Variants in NDUFAF8 observed in about 807,000 individuals in gnomAD.
NDUFAF8 encodes the protein NADH:ubiquinone oxidoreductase complex assembly factor 8, also known as NADH dehydrogenase [ubiquinone] 1 alpha subcomplex assembly factor 8.
Under a neutral mutation model 9.9 loss-of-function variants are expected in NDUFAF8, and 9 were observed. The ratio of observed to expected loss-of-function variants is 0.91; its 90% CI spans 0.55 to 1.59. The LOEUF (loss-of-function observed/expected upper bound fraction) is 1.59, where lower values mean the gene tolerates loss of function less well. NDUFAF8 is among the 40% of genes most tolerant of loss of function. NDUFAF8 has a pLI of 0.00. For missense variants in NDUFAF8, 114 were observed against 113.8 expected (o/e 1.00, Z -0.01); for synonymous variants, 63 against 51.2 (o/e 1.23, Z -0.98).
At position 81,239,562 on chromosome 17, in the gene NDUFAF8, C is replaced by T. The variant is rs753906325; in HGVS notation, c.85-6C>T. The T allele has an allele frequency of 4.6e-6, 7 of 1,529,228 alleles. No individual in the cohort carries two copies. The highest frequency in any genetic ancestry group is 2.4e-5 in the South Asian group (2 of 83,466). The allele number at this position is 1,529,228 out of a possible 1,614,324, so 94.7% of individuals were successfully genotyped here. A position where few individuals can be genotyped will look rare whatever the true frequency, so the allele number is the denominator to read the frequency against. ...ACCCCACGACCCACGCCCGTCCTTT[C>T]CGCAGGCCGCGGCGTACGGCAGGTG... is the stretch of plus-strand genomic sequence containing the variant. On this transcript the variant is annotated splice_polypyrimidine_tract_variant and splice_region_variant and intron_variant, in intron 1 of 2. Transcript: ENST00000431388.
chr17:81,241,126 G>A lies in NDUFAF8; in HGVS notation c.*110G>A, dbSNP rs1247247549. On this transcript the variant is annotated 3_prime_UTR_variant, in exon 3 of 3. Coordinates refer to ENST00000431388, the MANE Select transcript of NDUFAF8 (RefSeq NM_001086521.2). ...CTAGGGCAGAAAGGAAGTGGGAATG[G>A]CGAAGATGTGACATTCCTCGGTGTT... 3 of 1,456,002 alleles carry A rather than the reference G, an allele frequency of 2.1e-6. No individual in the cohort carries two copies. The highest frequency in any genetic ancestry group is 2.8e-5 in the African/African-American group (2 of 70,242). 90.2% of individuals were successfully genotyped at this position (1,456,002 alleles called of 1,614,324 possible). A position where few individuals can be genotyped will look rare whatever the true frequency, so the allele number is the denominator to read the frequency against.
Position 81,239,602 on chromosome 17 carries a change from C to T in NDUFAF8, c.119C>T (p.Thr40Met), listed in dbSNP as rs2062791956. The T allele has an allele frequency of 2.6e-6, 4 of 1,538,622 alleles. No individual in the cohort carries two copies. Among genetic ancestry groups the T allele is most frequent in the Non-Finnish European group, 2.6e-6 (3 of 1,146,144 alleles). ...AAYGRCVQASTAPGGRLSKDF... is the reference protein window; with the variant it reads ...AAYGRCVQASMAPGGRLSKDF... ...TACGGCAGGTGCGTGCAGGCCTCCA[C>T]GGCCCCGGGCGGCCGCCTGAGTAAG... Residue 40 changes from threonine to methionine, a missense_variant, in exon 2 of 3, where the codon ACG (threonine) becomes ATG (methionine). Thr to Met is a moderately conservative substitution (Grantham distance 81). Transcript: ENST00000431388.
At chr17:81,240,152 C>T in intron 2 of NDUFAF8, 1 of 194,080 alleles carries the variant, frequency 5.2e-6, no homozygotes, top group Non-Finnish European at 1.1e-5. Context: ...GCTTCTTGCC[C>T]GTGGGGCTTT....
In NDUFAF8 at chr17:81,241,262, A is replaced by C; in HGVS notation, c.*246A>C. The C allele has an allele frequency of 8.4e-7, 1 of 1,187,248 alleles. No homozygotes were observed. The allele number at this position is 1,187,248 out of a possible 1,614,324, so 73.5% of individuals were successfully genotyped here. A position where few individuals can be genotyped will look rare whatever the true frequency, so the allele number is the denominator to read the frequency against. ...TAAGATGTAACGGAAGCCACGATAA[A>C]GACTCGGTCAAATCCTGCAGCCTGG... On this transcript the variant is annotated 3_prime_UTR_variant, in exon 3 of 3. Coordinates refer to ENST00000431388, the MANE Select transcript of NDUFAF8 (RefSeq NM_001086521.2).
At chr17:81,239,484 G>A in intron 1 of NDUFAF8, 37 bp downstream of exon 1, 1 of 1,419,416 alleles carries the variant, frequency 7.0e-7, no homozygotes, top group Non-Finnish European at 9.2e-7. Context: ...TGCGGGGCAG[G>A]AGGAGCCGCG....
At chr17:81,240,868 C>G in intron 2 of NDUFAF8, 119 bp from the exon 3 acceptor site, 2 of 1,322,590 alleles carry the variant, frequency 1.5e-6, no homozygotes. Context: ...CCACCATATG[C>G]CAGCACCCAA....
At chr17:81,239,491 C>T in intron 1 of NDUFAF8, 44 bp downstream of exon 1, 1 of 1,421,358 alleles carries the variant, frequency 7.0e-7, no homozygotes, top group Non-Finnish European at 9.2e-7. Context: ...CAGGAGGAGC[C>T]GCGCGGGGAG....
At position 81,239,401 on chromosome 17, in the gene NDUFAF8, G is replaced by A. The variant is rs2062788625; in HGVS notation, c.38G>A (p.Ser13Asn). Residue 13 changes from serine to asparagine, a missense_variant, in exon 1 of 3, where the codon AGC becomes AAC. Ser to Asn is a conservative substitution (Grantham distance 46). Transcript: ENST00000431388. ...GGAGCGGTGTGGGGCCGCGTGCGAA[G>A]CCGCCTCCGCGCCTTCCCCGAGCGG... ...ANGAVWGRVRSRLRAFPERLA... is the reference protein window; with the variant it reads ...ANGAVWGRVRNRLRAFPERLA... The A allele has an allele frequency of 5.9e-6, 8 of 1,364,340 alleles. No individual in the cohort carries two copies. Among genetic ancestry groups the A allele is most frequent in the Non-Finnish European group, 6.6e-6 (7 of 1,057,808 alleles). The allele number at this position is 1,364,340 out of a possible 1,614,324, so 84.5% of individuals were successfully genotyped here. A position where few individuals can be genotyped will look rare whatever the true frequency, so the allele number is the denominator to read the frequency against.
intron 1 of NDUFAF8, 57 bp downstream of exon 1, chr17:81,239,504 G>A: frequency 6.9e-7 from 1 of 1,440,398 alleles, no homozygotes; most frequent in Non-Finnish European, 9.1e-7. Flanking sequence ...GCGGGGAGGT[G>A]GCTGGGAGGG....
chr17:81,239,841 A>G, intron 2 of NDUFAF8, 163 bp downstream of exon 2: 1 of 768,774 alleles, frequency 1.3e-6, no homozygotes, highest in Non-Finnish European at 2.1e-6. Context: ...AGCCCGCGAA[A>G]CCTCGGCCGT....
rs2062814016 is a variant in NDUFAF8, at chr17:81,241,050, A to G, written c.*34A>G. The G allele has an allele frequency of 2.5e-6, 4 of 1,611,060 alleles. No homozygotes were observed. On this transcript the variant is annotated 3_prime_UTR_variant, in exon 3 of 3. Coordinates refer to ENST00000431388, the MANE Select transcript of NDUFAF8 (RefSeq NM_001086521.2). ...CTGAGCTTCACACCTGTCTGCTGCC[A>G]TGGGTGCAGAGCCCTAGTCCTGATG... is the stretch of plus-strand genomic sequence containing the variant.
Position 81,241,168 on chromosome 17 carries a change from T to G in NDUFAF8, c.*152T>G. On this transcript the variant is annotated 3_prime_UTR_variant, in exon 3 of 3. Transcript: ENST00000431388. ...CTCGGTGTTAGATCCTGTTTTTTCT[T>G]AACAAGTTGAGGCGTGGGTAGAGCA... 7.1e-7 allele frequency: 1 copy of G among 1,403,640 alleles called. No homozygotes were observed. The allele number at this position is 1,403,640 out of a possible 1,614,324, so 86.9% of individuals were successfully genotyped here. A position where few individuals can be genotyped will look rare whatever the true frequency, so the allele number is the denominator to read the frequency against.
chr17:81,239,702 C>T, intron 2 of NDUFAF8, 24 bp downstream of exon 2: 2 of 1,530,304 alleles, frequency 1.3e-6, no homozygotes. Context: ...GGCCCCTTCC[C>T]CCCTTCCCAG....
chr17:81,239,823 C>T (rs2062796560), intron 2 of NDUFAF8, 145 bp downstream of exon 2: 1 of 909,576 alleles, frequency 1.1e-6, no homozygotes, highest in Non-Finnish European at 1.6e-6. Flanking sequence ...ATCACCGAGC[C>T]ATCGACGAGC....
rs537500591 is a variant in NDUFAF8, at chr17:81,240,106, G to T, written c.195+428G>T. On this transcript the variant is annotated intron_variant, in intron 2 of 2. Transcript: ENST00000431388. ...GATTCCTTCAGCACGTGTCCTGCGG[G>T]GAACCCCCAGCCACCCTCACAACTG... 5.6e-4 allele frequency: 127 copies of T among 227,492 alleles called. 1 individual carries two copies. The highest frequency in any genetic ancestry group is 5.4e-3 in the Middle Eastern group (3 of 552). The allele number at this position is 227,492 out of a possible 1,614,324, so 14.1% of individuals were successfully genotyped here.
In NDUFAF8 at chr17:81,241,036, A is replaced by G; in HGVS notation, c.*20A>G. The stretch of plus-strand genomic sequence containing the variant: ...TGTTAGGAGGGACTCTGAGCTTCAC[A>G]CCTGTCTGCTGCCATGGGTGCAGAG... On this transcript the variant is annotated 3_prime_UTR_variant, in exon 3 of 3. Coordinates refer to ENST00000431388, the MANE Select transcript of NDUFAF8 (RefSeq NM_001086521.2). 1 of 1,612,358 alleles carries G rather than the reference A, an allele frequency of 6.2e-7. No individual in the cohort carries two copies.
intron 2 of NDUFAF8, 77 bp from the exon 3 acceptor site, chr17:81,240,910 G>A (rs368335720): frequency 3.3e-6 from 5 of 1,515,848 alleles, no homozygotes; most frequent in East Asian, 2.3e-5. Flanking sequence ...AGAACACAAC[G>A]TGTGGTGTGG....
rs2062815563 is a variant in NDUFAF8, at chr17:81,241,274, A to G, written c.*258A>G. 10 of 1,098,290 alleles carry G rather than the reference A, an allele frequency of 9.1e-6. No homozygotes were observed. The East Asian group carries it at 3.2e-4, about 35-fold the overall frequency. The allele number at this position is 1,098,290 out of a possible 1,614,324, so 68.0% of individuals were successfully genotyped here. On this transcript the variant is annotated 3_prime_UTR_variant, in exon 3 of 3. Coordinates refer to ENST00000431388, the MANE Select transcript of NDUFAF8 (RefSeq NM_001086521.2). ...GAAGCCACGATAAAGACTCGGTCAA[A>G]TCCTGCAGCCTGGGGCTTACTGTGT...
chr17:81,241,062 C>T lies in NDUFAF8; in HGVS notation c.*46C>T, dbSNP rs1183800521. The T allele has an allele frequency of 2.5e-6, 4 of 1,595,848 alleles. No individual in the cohort carries two copies. The highest frequency in any genetic ancestry group is 3.4e-6 in the Non-Finnish European group (4 of 1,170,610). ...CCTGTCTGCTGCCATGGGTGCAGAGCCCTAGTCCTGATGGCCCCTGGTGGC... is the reference window on the plus strand; with the variant it reads ...CCTGTCTGCTGCCATGGGTGCAGAGTCCTAGTCCTGATGGCCCCTGGTGGC... On this transcript the variant is annotated 3_prime_UTR_variant, in exon 3 of 3. Coordinates refer to ENST00000431388, the MANE Select transcript of NDUFAF8 (RefSeq NM_001086521.2).
Sources: allele counts gnomAD v4.1 joint callset, GRCh38; gene constraint gnomAD v4.1.1; transcripts MANE v1.5; gene names NCBI Gene and HGNC (gene_info 2026-07-23, HGNC 2026-07-21).